The following CCND1 variants were observed in gnomAD, a reference collection of about 807,000 sequenced individuals.
The protein encoded by CCND1 is cyclin D1.
CCND1 carries 9 observed loss-of-function variants against 26.1 expected under a neutral mutation model. That is an observed-to-expected ratio of 0.35 (90% CI 0.21 to 0.60). The LOEUF is 0.60. CCND1 is among the 20% of genes least tolerant of loss of function. The pLI is 0.79. For synonymous variants in CCND1, 194 were observed against 166.1 expected, an observed-to-expected ratio of 1.17 and a Z score of -1.29; for missense variants, 335 against 392.9, an observed-to-expected ratio of 0.85 and a Z score of 1.25.
rs549376566 is a variant in CCND1, at chr11:69,647,419, G to A, written c.575-575G>A. On this transcript the variant is annotated intron_variant, in intron 3 of 4. Transcript: ENST00000227507. ...CACCACAGCCGCCCTGAAGGCTGCC[G>A]GCCAGGGCTTACCCCTCAAGGGACA... Among the ~76,000 whole-genome samples the A allele has an allele frequency of 8.5e-5, 13 of 152,050 alleles. No homozygotes were observed. In the South Asian group the frequency reaches 1.2e-3, roughly 15 times the overall value.
rs1855743850 is a variant in CCND1, at chr11:69,643,814, C to T, written c.415-18C>T. On this transcript the variant is annotated intron_variant, in intron 2 of 4. Coordinates refer to ENST00000227507, the MANE Select transcript of CCND1 (RefSeq NM_053056.3). ...TGGCCCGCACCTCCCCTGATGGCCGCTCACCCTGTGTTCGCAGCAAATGGA... is the reference window on the plus strand; with the variant it reads ...TGGCCCGCACCTCCCCTGATGGCCGTTCACCCTGTGTTCGCAGCAAATGGA... 1 of 1,595,276 alleles carries T rather than the reference C, an allele frequency of 6.3e-7. No homozygotes were observed.
rs1165444718 is a variant in CCND1 at position 69,643,719 on chromosome 11, G to A, written c.415-113G>A. The A allele has an allele frequency of 1.1e-5, 11 of 957,630 alleles. No individual in the cohort carries two copies. The Admixed American group carries it at 2.9e-4, about 25-fold the overall frequency. The allele number at this position is 957,630 out of a possible 1,614,324, so 59.3% of individuals were successfully genotyped here. ...ATCCAGGACCGCACGAGACGCAGGGGCCAGTGCTCTGAGCCGGAGGTGCGG... is the reference window on the plus strand; with the variant it reads ...ATCCAGGACCGCACGAGACGCAGGGACCAGTGCTCTGAGCCGGAGGTGCGG... On this transcript the variant is annotated intron_variant, in intron 2 of 4. Transcript: ENST00000227507.
intron 4 of CCND1, among the ~76,000 whole-genome samples, chr11:69,650,133 A>G (rs989040171): frequency 2.0e-5 from 3 of 152,202 alleles, no homozygotes; most frequent in African/African-American, 7.2e-5. Flanking sequence ...CCTGTGCGGC[A>G]CGTGGTGGGG....
In CCND1 at chr11:69,644,002, C is replaced by T. The variant is rs2120095477; in HGVS notation, c.574+11C>T. ...CCCTCTGTGCCACAGGTAGGGCAGG[C>T]CCGGCAGCCCCCGGCCTCCCCTTGA... On this transcript the variant is annotated intron_variant, in intron 3 of 4. Coordinates refer to ENST00000227507, the MANE Select transcript of CCND1 (RefSeq NM_053056.3). 1 of 1,612,850 alleles carries T rather than the reference C, an allele frequency of 6.2e-7. No homozygotes were observed.
chr11:69,649,191 G>A (rs1419368906), intron 4 of CCND1, among the ~76,000 whole-genome samples: 6 of 152,298 alleles, frequency 3.9e-5, no homozygotes, highest in African/African-American at 9.6e-5. Flanking sequence ...AAACACCATC[G>A]AGGCCTCCAG....
rs530841990 is a variant in CCND1, at chr11:69,652,975, A to G, written c.*1693A>G. 1 of 368,792 alleles carries G rather than the reference A, an allele frequency of 2.7e-6. No homozygotes were observed. The highest frequency in any genetic ancestry group is 6.2e-5 in the South Asian group (1 of 16,194). 22.8% of individuals were successfully genotyped at this position (368,792 alleles called of 1,614,324 possible). ...TTGGACAGGCATGGGTGCAAGGAAAATTAGGGTACTCAACCTAAGTTCGGT... is the reference window on the plus strand; with the variant it reads ...TTGGACAGGCATGGGTGCAAGGAAAGTTAGGGTACTCAACCTAAGTTCGGT... On this transcript the variant is annotated 3_prime_UTR_variant, in exon 5 of 5. Coordinates refer to ENST00000227507, the MANE Select transcript of CCND1 (RefSeq NM_053056.3).
At chr11:69,642,641 C>T (rs1033567365) in intron 1 of CCND1, among the ~76,000 whole-genome samples, 1 of 152,110 alleles carries the variant, frequency 6.6e-6, no homozygotes, top group East Asian at 1.9e-4. Context: ...CTTTGTGTCT[C>T]GCAGGCGCGG....
chr11:69,649,034 G>A (rs773735114), intron 4 of CCND1, among the ~76,000 whole-genome samples: 2 of 152,206 alleles, frequency 1.3e-5, no homozygotes, highest in African/African-American at 2.4e-5. Context: ...GTGGGACACC[G>A]AAGTTGGCAG....
rs1314125525 is a variant in CCND1 at position 69,653,340 on chromosome 11, T to C, written c.*2058T>C. ...TGCTGCTATTGGAGGATCAGTTTTT[T>C]GTTTTACAATGTCATATACTGCCAT... On this transcript the variant is annotated 3_prime_UTR_variant, in exon 5 of 5. Coordinates refer to ENST00000227507, the MANE Select transcript of CCND1 (RefSeq NM_053056.3). 1.4e-6 allele frequency: 1 copy of C among 702,920 alleles called. No individual in the cohort carries two copies. Among genetic ancestry groups the C allele is most frequent in the East Asian group, 2.7e-5 (1 of 37,294 alleles). The allele number at this position is 702,920 out of a possible 1,614,324, so 43.5% of individuals were successfully genotyped here.
chr11:69,641,353 C>T lies in CCND1; in HGVS notation c.40C>T (p.Arg14Cys), dbSNP rs1372181670. Reference protein sequence around the residue: ...QLLCCEVETIRRAYPDANLLN... With the variant: ...QLLCCEVETICRAYPDANLLN... ...CCTGTGCTGCGAAGTGGAAACCATC[C>T]GCCGCGCGTACCCCGATGCCAACCT... The change falls in exon 1 of 5, where the codon CGC becomes TGC. Residue 14 changes from arginine (R) to cysteine (C), a missense_variant. Transcript: ENST00000227507. 2.5e-6 allele frequency: 4 copies of T among 1,613,120 alleles called. No individual in the cohort carries two copies. In the East Asian group the frequency reaches 6.7e-5, roughly 27 times the overall value.
At chr11:69,647,971 T>C (rs1703001757) in intron 3 of CCND1, 23 bp from the exon 4 acceptor site, 2 of 1,613,094 alleles carry the variant, frequency 1.2e-6, no homozygotes, top group South Asian at 2.2e-5. Context: ...CACAGCCTCC[T>C]TCCCTCTCTC....
rs1172259240 is a variant in CCND1 at position 69,654,168 on chromosome 11, C to A, written c.*2886C>A. 2.9e-6 allele frequency: 2 copies of A among 700,924 alleles called. No individual in the cohort carries two copies. Among genetic ancestry groups the A allele is most frequent in the East Asian group, 2.7e-5 (1 of 37,184 alleles). The allele number at this position is 700,924 out of a possible 1,614,324, so 43.4% of individuals were successfully genotyped here. A position where few individuals can be genotyped will look rare whatever the true frequency, so the allele number is the denominator to read the frequency against. ...ACGGCTCACGCTTACCTCAACCATC[C>A]TGGCTGCGGCGTCTGTCTGAACCAC... On this transcript the variant is annotated 3_prime_UTR_variant, in exon 5 of 5. Coordinates refer to ENST00000227507, the MANE Select transcript of CCND1 (RefSeq NM_053056.3). The surrounding 1 kb of genome is among the most constrained non-coding windows in gnomAD (Gnocchi z 6.3).
In CCND1 at chr11:69,653,298, ATC is replaced by A; in HGVS notation, c.*2020_*2021del. 1.4e-6 allele frequency: 1 copy of A among 702,678 alleles called. No homozygotes were observed. Among genetic ancestry groups the A allele is most frequent in the Middle Eastern group, 2.3e-4 (1 of 4,368 alleles). The allele number at this position is 702,678 out of a possible 1,614,324, so 43.5% of individuals were successfully genotyped here. A position where few individuals can be genotyped will look rare whatever the true frequency, so the allele number is the denominator to read the frequency against. ...GGAAATATTCACATCGCTTCTGTGT[ATC>A]TCTTTCACATTGTTTGCTGCTATTG... On this transcript the variant is annotated 3_prime_UTR_variant, in exon 5 of 5. Coordinates refer to ENST00000227507, the MANE Select transcript of CCND1 (RefSeq NM_053056.3).
At chr11:69,647,416 G>A (rs1425029076) in intron 3 of CCND1, among the ~76,000 whole-genome samples, 2 of 152,152 alleles carry the variant, frequency 1.3e-5, no homozygotes, top group African/African-American at 4.8e-5. Flanking sequence ...CCTGAAGGCT[G>A]CCGGCCAGGG....
At position 69,641,170 on chromosome 11, in the gene CCND1, G is replaced by A; in HGVS notation, c.-144G>A. The stretch of plus-strand genomic sequence containing the variant: ...CTGGAGCCTCCAGAGGGCTGTCGGC[G>A]CAGTAGCAGCGAGCAGCAGAGTCCG... On this transcript the variant is annotated 5_prime_UTR_variant, in exon 1 of 5. Transcript: ENST00000227507. The A allele has an allele frequency of 2.6e-6, 2 of 778,668 alleles. No homozygotes were observed. The highest frequency in any genetic ancestry group is 1.7e-5 in the African/African-American group (1 of 58,692). 48.2% of individuals were successfully genotyped at this position (778,668 alleles called of 1,614,324 possible).
In CCND1 at chr11:69,643,183, C is replaced by T. The variant is rs1176401077; in HGVS notation, c.351C>T (p.Ile117=). Residue 117 remains isoleucine (I), a synonymous_variant, in exon 2 of 5, where the codon ATC becomes ATT. Coordinates refer to ENST00000227507, the MANE Select transcript of CCND1 (RefSeq NM_053056.3). ...MFVASKMKET[I]PLTAEKLCIY... is the part of the protein sequence containing the mutation. ...TGGCCTCTAAGATGAAGGAGACCAT[C>T]CCCCTGACGGCCGAGAAGCTGTGCA... The T allele has an allele frequency of 6.2e-6, 10 of 1,606,908 alleles. No homozygotes were observed. The highest frequency in any genetic ancestry group is 5.9e-6 in the Non-Finnish European group (7 of 1,177,104).
Position 69,654,203 on chromosome 11 carries a change from T to C in CCND1, c.*2921T>C. Reference sequence around the variant, plus strand: ...CGTCTGTCTGAACCACGCGGGGGCCTTGAGGGACGCTTTGTCTGTCGTGAT... The same window carrying C: ...CGTCTGTCTGAACCACGCGGGGGCCCTGAGGGACGCTTTGTCTGTCGTGAT... On this transcript the variant is annotated 3_prime_UTR_variant, in exon 5 of 5. Coordinates refer to ENST00000227507, the MANE Select transcript of CCND1 (RefSeq NM_053056.3). This position sits in a 1 kb window ranked among gnomAD's most constrained non-coding sequence, Gnocchi z 6.3. 1.5e-6 allele frequency: 1 copy of C among 688,346 alleles called. No homozygotes were observed. Among genetic ancestry groups the C allele is most frequent in the South Asian group, 1.5e-5 (1 of 67,368 alleles). The allele number at this position is 688,346 out of a possible 1,614,324, so 42.6% of individuals were successfully genotyped here.
chr11:69,641,448 C>T lies in CCND1; in HGVS notation c.135C>T (p.Phe45=), dbSNP rs1173840555. The T allele has an allele frequency of 6.2e-7, 1 of 1,613,494 alleles. No individual in the cohort carries two copies. The highest frequency in any genetic ancestry group is 8.5e-7 in the Non-Finnish European group (1 of 1,180,040). Reference sequence around the variant, plus strand: ...CCTGCGCGCCCTCGGTGTCCTACTTCAAATGTGTGCAGAAGGAGGTCCTGC... The same window carrying T: ...CCTGCGCGCCCTCGGTGTCCTACTTTAAATGTGTGCAGAAGGAGGTCCTGC... ...EETCAPSVSY[F]KCVQKEVLPS... is the part of the protein sequence containing the mutation. The change falls in exon 1 of 5, where the codon TTC becomes TTT. Residue 45 remains phenylalanine, a synonymous_variant. Transcript: ENST00000227507.
intron 3 of CCND1, among the ~76,000 whole-genome samples, chr11:69,646,474 G>C (rs899622414): frequency 9.2e-5 from 14 of 152,142 alleles, no homozygotes; most frequent in African/African-American, 2.7e-4. Flanking sequence ...CTGGCGGCCC[G>C]TGGGGGCCCC....
Sources: allele counts gnomAD v4.1 joint callset (sites outside exome capture counted in the v4.1 genomes callset), GRCh38; gene constraint gnomAD v4.1.1; non-coding constraint Gnocchi (gnomAD v3.1); transcripts MANE v1.5; gene names NCBI Gene and HGNC (gene_info 2026-07-23, HGNC 2026-07-21).